The following C4orf17 variants were observed in gnomAD, a reference collection of about 807,000 sequenced individuals.
C4orf17 encodes uncharacterized protein C4orf17.
In C4orf17, 25 loss-of-function variants were observed where a neutral mutation model predicts 32.0. The observed-to-expected ratio is 0.78, with a 90% CI of 0.57 to 1.09. The LOEUF (loss-of-function observed/expected upper bound fraction) is 1.09. C4orf17 is among the 50% of genes least tolerant of loss of function. The pLI is 0.00. For missense variants in C4orf17, 420 were observed against 420.0 expected (o/e 1.00, Z 0.00); for synonymous variants, 149 against 145.8 (o/e 1.02, Z -0.16).
chr4:99,532,998 A>G (rs1192257140), intron 5 of C4orf17, among the ~76,000 whole-genome samples: 1 of 152,164 alleles, frequency 6.6e-6, no homozygotes, highest in Non-Finnish European at 1.5e-5. Context: ...TTGCTTATTT[A>G]AAACAACGAA....
intron 2 of C4orf17, among the ~76,000 whole-genome samples, chr4:99,520,089 A>ATTTT (rs33976011): frequency 1.4e-5 from 2 of 139,642 alleles, no homozygotes. Flanking sequence ...CCCACATTTA[A>ATTTT]TTTTTTTTTT....
intron 3 of C4orf17, 125 bp downstream of exon 3, chr4:99,522,834 A>C: frequency 2.8e-6 from 2 of 707,202 alleles, no homozygotes; most frequent in Non-Finnish European, 4.6e-6. Flanking sequence ...TGTGAGGAAC[A>C]TAAATTTTGT....
chr4:99,533,854 T>C (rs373801621), intron 5 of C4orf17, among the ~76,000 whole-genome samples: 4 of 152,300 alleles, frequency 2.6e-5, no homozygotes, highest in African/African-American at 9.6e-5. Flanking sequence ...AAGTTACACC[T>C]TAAAAATAGC....
At chr4:99,518,725 C>T (rs947214142) in intron 2 of C4orf17, among the ~76,000 whole-genome samples, 5 of 149,950 alleles carry the variant, frequency 3.3e-5, no homozygotes, top group African/African-American at 1.2e-4. Flanking sequence ...TATCAACTCC[C>T]TCCCCCATTA....
At position 99,513,005 on chromosome 4, in the gene C4orf17, G is replaced by A. The variant is rs1306638495; in HGVS notation, c.-77G>A. ...TGATTTCAGGGTCTGAGCACATCTG[G>A]AAGTGAGGTCAATCAAGTTAGACCC... is the stretch of plus-strand genomic sequence containing the variant. On this transcript the variant is annotated 5_prime_UTR_variant, in exon 2 of 9. Coordinates refer to ENST00000326581, the MANE Select transcript of C4orf17 (RefSeq NM_032149.3). The A allele has an allele frequency of 2.7e-6, 4 of 1,508,098 alleles. No individual in the cohort carries two copies. Among genetic ancestry groups the A allele is most frequent in the African/African-American group, 2.7e-5 (2 of 73,018 alleles). 93.4% of individuals were successfully genotyped at this position (1,508,098 alleles called of 1,614,324 possible).
intron 1 of C4orf17, among the ~76,000 whole-genome samples, chr4:99,511,490 C>T (rs1312894856): frequency 1.3e-5 from 2 of 151,204 alleles, no homozygotes; most frequent in Admixed American, 1.3e-4. Context: ...GTGGGACAGA[C>T]ACATACAGAA....
At chr4:99,516,967 T>C (rs1256949041) in intron 2 of C4orf17, among the ~76,000 whole-genome samples, 4 of 151,702 alleles carry the variant, frequency 2.6e-5, no homozygotes, top group Admixed American at 1.3e-4. Context: ...AGAGGATCTA[T>C]TGGCTCAAGT....
At position 99,513,103 on chromosome 4, in the gene C4orf17, T is replaced by C; in HGVS notation, c.22T>C (p.Ser8Pro). The C allele has an allele frequency of 6.2e-7, 1 of 1,613,798 alleles. No homozygotes were observed. The highest frequency in any genetic ancestry group is 8.5e-7 in the Non-Finnish European group (1 of 1,179,830). MNLNPPT[S>P]ALQIEGKGSH... The stretch of plus-strand genomic sequence containing the variant: ...AAACATGAACCTCAACCCCCCGACA[T>C]CTGCTCTTCAGATCGAGGGCAAAGG... Residue 8 changes from serine to proline, a missense_variant, in exon 2 of 9, where the codon TCT (serine) becomes CCT (proline). Transcript: ENST00000326581.
chr4:99,523,975 ACTTTT>A (rs1723339639), intron 3 of C4orf17, among the ~76,000 whole-genome samples: 1 of 139,076 alleles, frequency 7.2e-6, no homozygotes, highest in East Asian at 2.3e-4. Context: ...TAAAATATAT[ACTTTT>A]TTTTTTTTTT....
chr4:99,528,908 GA>G (rs935259839), intron 4 of C4orf17, among the ~76,000 whole-genome samples: 4 of 150,948 alleles, frequency 2.6e-5, no homozygotes, highest in South Asian at 2.1e-4. Context: ...CAGTTGATGA[GA>G]AAAAAAAATT....
rs546656266 is a variant in C4orf17, at chr4:99,538,885, G to A, written c.629-278G>A. Among the ~76,000 whole-genome samples, 10 of 152,214 alleles carry A rather than the reference G, an allele frequency of 6.6e-5. No individual in the cohort carries two copies. In the East Asian group the frequency reaches 1.7e-3, roughly 26 times the overall value. ...ATCTTTGGCAGCAGCCTGTAAGACT[G>A]GCTACTGTACTCAATATTTTAAAAC... On this transcript the variant is annotated intron_variant, in intron 6 of 8. Coordinates refer to ENST00000326581, the MANE Select transcript of C4orf17 (RefSeq NM_032149.3).
intron 2 of C4orf17, among the ~76,000 whole-genome samples, chr4:99,521,235 T>G (rs1385762897): frequency 1.3e-5 from 2 of 151,994 alleles, no homozygotes; most frequent in Admixed American, 6.6e-5. Flanking sequence ...TAGACGGACA[T>G]GATGGTGCAC....
At chr4:99,530,676 A>C (rs555135873) in intron 5 of C4orf17, among the ~76,000 whole-genome samples, 4 of 152,278 alleles carry the variant, frequency 2.6e-5, no homozygotes, top group African/African-American at 9.6e-5. Context: ...CAAATAACAG[A>C]GCATGTTGTA....
chr4:99,541,765 G>A (rs182288269), intron 8 of C4orf17, 145 bp from the exon 9 acceptor site: 1 of 637,910 alleles, frequency 1.6e-6, no homozygotes, highest in East Asian at 2.8e-5. Context: ...AAAAGAAAAG[G>A]AATATATTCT....
At chr4:99,541,211 G>T (rs1375499256) in intron 8 of C4orf17, 2 of 152,318 alleles carry the variant, frequency 1.3e-5, no homozygotes, top group Non-Finnish European at 2.9e-5. Flanking sequence ...GTTCCACTGT[G>T]ATTAACCAAA....
At chr4:99,536,029 T>C (rs1441905841) in intron 5 of C4orf17, 2 of 443,028 alleles carry the variant, frequency 4.5e-6, no homozygotes, top group African/African-American at 4.1e-5. Flanking sequence ...TGCCTTGAGT[T>C]TTCCCATACC....
intron 4 of C4orf17, among the ~76,000 whole-genome samples, chr4:99,528,304 C>A (rs970588820): frequency 1.3e-5 from 2 of 151,904 alleles, no homozygotes; most frequent in Non-Finnish European, 2.9e-5. Flanking sequence ...TTTTGATTCT[C>A]TATGTTGTAT....
intron 2 of C4orf17, among the ~76,000 whole-genome samples, chr4:99,522,233 C>T (rs1723297584): frequency 6.6e-6 from 1 of 151,932 alleles, no homozygotes. Flanking sequence ...AGACCAACAT[C>T]GACGATGTGG....
At position 99,524,608 on chromosome 4, in the gene C4orf17, T is replaced by C; in HGVS notation, c.402+23T>C. ...AAGGTAAGGAACAGCTATTTACTGC[T>C]ATCTATTTAGTTTGACTTCTATAAG... On this transcript the variant is annotated intron_variant, in intron 4 of 8. Transcript: ENST00000326581. 3.4e-6 allele frequency: 3 copies of C among 870,676 alleles called. No individual in the cohort carries two copies. In the African/African-American group the frequency reaches 8.0e-5, roughly 23 times the overall value. 53.9% of individuals were successfully genotyped at this position (870,676 alleles called of 1,614,324 possible).
Sources: gnomAD v4.1 joint callset for allele counts (sites outside exome capture counted in the v4.1 genomes callset) on GRCh38, gnomAD v4.1.1 for gene constraint, MANE v1.5 for transcripts, NCBI Gene and HGNC (gene_info 2026-07-23, HGNC 2026-07-21) for gene names.